PDPK1: variants seen among roughly 807,000 people sequenced by gnomAD.
PDPK1 encodes 3-phosphoinositide dependent protein kinase 1, also known as 3-phosphoinositide-dependent protein kinase 1.
Under a neutral mutation model 39.8 loss-of-function variants are expected in PDPK1, and 7 were observed. The observed-to-expected ratio is 0.18, with a 90% CI of 0.10 to 0.33. PDPK1 has a LOEUF of 0.33. PDPK1 is among the 10% of genes least tolerant of loss of function. The pLI is 1.00. For missense variants in PDPK1, 182 were observed against 384.7 expected (o/e 0.47, Z 4.41); for synonymous variants, 118 against 159.1 (o/e 0.74, Z 1.95).
At chr16:2,576,793 A>AT (rs1251866431) in intron 6 of PDPK1, 1 of 176,048 alleles carries the variant, frequency 5.7e-6, no homozygotes, top group Non-Finnish European at 1.2e-5. Flanking sequence ...CAGAAAAGTC[A>AT]TTCACTGAAG....
chr16:2,598,276 G>A lies in PDPK1; in HGVS notation c.*509G>A, dbSNP rs547002823. On this transcript the variant is annotated 3_prime_UTR_variant, in exon 14 of 14. Coordinates refer to ENST00000342085, the MANE Select transcript of PDPK1 (RefSeq NM_002613.5). ...GGGCCGCAGCTTTGTGGAGGGAGCC[G>A]CCGTGCTTCTGTCACCTGCTCCCTT... 97 of 233,400 alleles carry A rather than the reference G, an allele frequency of 4.2e-4. 1 individual carries two copies. Among genetic ancestry groups the A allele is most frequent in the African/African-American group, 1.9e-3 (85 of 45,472 alleles). The allele number at this position is 233,400 out of a possible 1,614,324, so 14.5% of individuals were successfully genotyped here.
intron 7 of PDPK1, 36 bp downstream of exon 7, chr16:2,577,536 T>C: frequency 6.8e-7 from 1 of 1,472,564 alleles, no homozygotes; most frequent in Non-Finnish European, 9.4e-7. Context: ...TTCCCTTTTC[T>C]TTAACACAGA....
intron 11 of PDPK1, among the ~76,000 whole-genome samples, chr16:2,591,337 C>A (rs2066986213): frequency 6.6e-6 from 1 of 152,168 alleles, no homozygotes; most frequent in Non-Finnish European, 1.5e-5. Context: ...CATCATTCAG[C>A]CCCCATGTAT....
At chr16:2,541,603 T>C (rs1304470479) in intron 1 of PDPK1, among the ~76,000 whole-genome samples, 2 of 152,198 alleles carry the variant, frequency 1.3e-5, no homozygotes, top group African/African-American at 4.8e-5. Flanking sequence ...GGGTGCTCTA[T>C]GCTGCTCCAC....
At chr16:2,553,058 GC>G (rs1023490980) in intron 1 of PDPK1, among the ~76,000 whole-genome samples, 1 of 146,622 alleles carries the variant, frequency 6.8e-6, no homozygotes, top group Non-Finnish European at 1.5e-5. Flanking sequence ...GTGTAGCAAA[GC>G]CCAGTGATCA....
Position 2,601,473 on chromosome 16 carries a change from C to G in PDPK1, c.*3706C>G. On this transcript the variant is annotated 3_prime_UTR_variant, in exon 14 of 14. Coordinates refer to ENST00000342085, the MANE Select transcript of PDPK1 (RefSeq NM_002613.5). ...GTGGCTTTCAAGCGCTTGGCAGAAT[C>G]TTGTACTTCGTGTCCACAATGGTAC... 3 of 234,576 alleles carry G rather than the reference C, an allele frequency of 1.3e-5. No homozygotes were observed. The highest frequency in any genetic ancestry group is 2.5e-5 in the Non-Finnish European group (3 of 117,884). 14.5% of individuals were successfully genotyped at this position (234,576 alleles called of 1,614,324 possible).
At chr16:2,589,170 G>C (rs1450402456) in intron 11 of PDPK1, among the ~76,000 whole-genome samples, 1 of 152,118 alleles carries the variant, frequency 6.6e-6, no homozygotes, top group Non-Finnish European at 1.5e-5. Flanking sequence ...TGGCCAGTCT[G>C]GTTTCGAACT....
At chr16:2,553,087 G>T (rs2066446166) in intron 1 of PDPK1, among the ~76,000 whole-genome samples, 1 of 146,202 alleles carries the variant, frequency 6.8e-6, no homozygotes, top group South Asian at 2.1e-4. Flanking sequence ...ACCAGGGAGT[G>T]GGGGGCTTGC....
At position 2,597,478 on chromosome 16, in the gene PDPK1, T is replaced by C. The variant is rs1296584389; in HGVS notation, c.1555-173T>C. On this transcript the variant is annotated intron_variant, in intron 13 of 13. Transcript: ENST00000342085. The surrounding 1 kb of genome is among the most constrained non-coding windows in gnomAD (Gnocchi z 6.3). ...CTGTGCTTGTTTTTCAGTTTGGTGG[T>C]GACTGGGGGTGGTGGTCATCAGCCT... 6.6e-6 allele frequency among the ~76,000 whole-genome samples: 1 copy of C among 152,150 alleles called. No homozygotes were observed. Among genetic ancestry groups the C allele is most frequent in the Non-Finnish European group, 1.5e-5 (1 of 68,026 alleles).
chr16:2,573,653 C>T lies in PDPK1; in HGVS notation c.710-3772C>T, dbSNP rs62039662. On this transcript the variant is annotated intron_variant, in intron 6 of 13. Coordinates refer to ENST00000342085, the MANE Select transcript of PDPK1 (RefSeq NM_002613.5). ...TTGAGGTGGGAGGATCGCTTGAACC[C>T]GGGAGGCGGAGGAGGTTGCAGTAAG... Among the ~76,000 whole-genome samples the T allele has an allele frequency of 3.9e-4, 32 of 82,566 alleles. 2 individuals are homozygous for T. Among genetic ancestry groups the T allele is most frequent in the South Asian group, 8.9e-4 (2 of 2,256 alleles). 54.2% of individuals were successfully genotyped at this position (82,566 alleles called of 152,430 possible).
At chr16:2,591,341 C>A (rs1363420735) in intron 11 of PDPK1, among the ~76,000 whole-genome samples, 1 of 152,142 alleles carries the variant, frequency 6.6e-6, no homozygotes, top group Non-Finnish European at 1.5e-5. Flanking sequence ...ATTCAGCCCC[C>A]ATGTATGACC....
At chr16:2,589,165 A>AGAGG (rs1169914886) in intron 11 of PDPK1, among the ~76,000 whole-genome samples, 37 of 152,166 alleles carry the variant, frequency 2.4e-4, no homozygotes, top group Non-Finnish European at 3.2e-4. Context: ...CATGTTGGCC[A>AGAGG]GTCTGGTTTC....
In PDPK1 at chr16:2,540,014, C is replaced by T. The variant is rs141693379; in HGVS notation, c.24+1878C>T. On this transcript the variant is annotated intron_variant, in intron 1 of 13. Transcript: ENST00000342085. ...TTTCCACATGAGGAAGTGTCACGAA[C>T]GAGCGTTTTGCATCTGTCAGCTGGA... Among the ~76,000 whole-genome samples the T allele has an allele frequency of 7.7e-3, 1,178 of 152,304 alleles. 10 individuals carry two copies. Among genetic ancestry groups the T allele is most frequent in the Non-Finnish European group, 0.011 (772 of 68,032 alleles).
chr16:2,540,765 GC>G (rs1465877912), intron 1 of PDPK1, among the ~76,000 whole-genome samples: 2 of 152,214 alleles, frequency 1.3e-5, no homozygotes, highest in African/African-American at 4.8e-5. Context: ...TTGTTTGAGG[GC>G]CGATACTCTG....
At chr16:2,542,658 C>T (rs2066265722) in intron 1 of PDPK1, among the ~76,000 whole-genome samples, 1 of 152,266 alleles carries the variant, frequency 6.6e-6, no homozygotes. Flanking sequence ...AGTCCAGTGA[C>T]TTCCGTCATT....
chr16:2,595,873 G>GCTCCGCACGGACACCTGCATCTTCCCCGA, intron 12 of PDPK1, 23 bp downstream of exon 12: 1 of 1,590,758 alleles, frequency 6.3e-7, no homozygotes, highest in South Asian at 1.1e-5. Context: ...TGGTCCCGCT[G>GCTCCGCACGGACACCTGCATCTTCCCCGA]CTCCGCACGG....
At chr16:2,551,857 G>C (rs1167834542) in intron 1 of PDPK1, among the ~76,000 whole-genome samples, 2 of 151,392 alleles carry the variant, frequency 1.3e-5, no homozygotes, top group South Asian at 4.2e-4. Context: ...AGTAGAGACG[G>C]GGTTTCAACT....
chr16:2,598,977 C>G lies in PDPK1; in HGVS notation c.*1210C>G, dbSNP rs1371955134. 3 of 233,216 alleles carry G rather than the reference C, an allele frequency of 1.3e-5. No individual in the cohort carries two copies. The allele number at this position is 233,216 out of a possible 1,614,324, so 14.4% of individuals were successfully genotyped here. On this transcript the variant is annotated 3_prime_UTR_variant, in exon 14 of 14. Coordinates refer to ENST00000342085, the MANE Select transcript of PDPK1 (RefSeq NM_002613.5). The stretch of plus-strand genomic sequence containing the variant: ...GTGGGCTTTGCCAGTTGCTGTTGCA[C>G]AGGAGGCGAGAACAGCACACTTCAA...
At position 2,598,523 on chromosome 16, in the gene PDPK1, G is replaced by C. The variant is rs1364476192; in HGVS notation, c.*756G>C. ...CCTACTTAGCAGTGTTGGTCTCTGG[G>C]GCTGGAAGCCGAGCGCATGCTGGGA... On this transcript the variant is annotated 3_prime_UTR_variant, in exon 14 of 14. Coordinates refer to ENST00000342085, the MANE Select transcript of PDPK1 (RefSeq NM_002613.5). The C allele has an allele frequency of 4.3e-6, 1 of 233,510 alleles. No homozygotes were observed. The highest frequency in any genetic ancestry group is 8.5e-6 in the Non-Finnish European group (1 of 118,320). The allele number at this position is 233,510 out of a possible 1,614,324, so 14.5% of individuals were successfully genotyped here. A position where few individuals can be genotyped will look rare whatever the true frequency, so the allele number is the denominator to read the frequency against.
Sources: gnomAD v4.1 joint callset for allele counts (sites outside exome capture counted in the v4.1 genomes callset) on GRCh38, gnomAD v4.1.1 for gene constraint, Gnocchi (gnomAD v3.1) non-coding constraint, MANE v1.5 for transcripts, NCBI Gene and HGNC (gene_info 2026-07-23, HGNC 2026-07-21) for gene names.